Variants in SLX4IP observed in about 807,000 individuals in gnomAD.
SLX4IP encodes the protein SLX4 interacting protein.
SLX4IP carries 34 observed loss-of-function variants against 32.9 expected under a neutral mutation model. The observed-to-expected ratio is 1.03, with a 90% confidence interval of 0.79 to 1.38. The LOEUF (loss-of-function observed/expected upper bound fraction) is 1.38. SLX4IP is among the 40% of genes most tolerant of loss of function. The pLI is 0.00. For missense variants in SLX4IP, 444 were observed against 479.0 expected, an observed-to-expected ratio of 0.93 and a Z score of 0.68; for synonymous variants, 172 against 171.7, an observed-to-expected ratio of 1.00 and a Z score of -0.01.
At chr20:10,608,023 A>G (rs1243711552) in intron 6 of SLX4IP, among the ~76,000 whole-genome samples, 1 of 152,234 alleles carries the variant, frequency 6.6e-6, no homozygotes, top group East Asian at 1.9e-4. Flanking sequence ...ATCATTAGAT[A>G]GGATAAGTTG....
intron 2 of SLX4IP, among the ~76,000 whole-genome samples, chr20:10,500,430 G>T (rs534374671): frequency 6.6e-6 from 1 of 152,068 alleles, no homozygotes; most frequent in South Asian, 2.1e-4. Flanking sequence ...ATGTGTTAAA[G>T]TTCTATGTGT....
At chr20:10,549,865 C>T (rs913798121) in intron 2 of SLX4IP, among the ~76,000 whole-genome samples, 4 of 152,214 alleles carry the variant, frequency 2.6e-5, no homozygotes, top group Non-Finnish European at 5.9e-5. Flanking sequence ...ATATTTTAAA[C>T]TGTGATTGTT....
At chr20:10,570,478 G>T (rs1262926065) in intron 4 of SLX4IP, among the ~76,000 whole-genome samples, 1 of 152,140 alleles carries the variant, frequency 6.6e-6, no homozygotes. Context: ...CATGTACTCT[G>T]GGCATCGTGT....
At chr20:10,452,297 G>A (rs1340346373) in intron 1 of SLX4IP, among the ~76,000 whole-genome samples, 1 of 152,170 alleles carries the variant, frequency 6.6e-6, no homozygotes, top group Admixed American at 6.5e-5. Flanking sequence ...TTGGGAGGCT[G>A]AGGCTGGTGG....
At chr20:10,446,722 G>A (rs1464739893) in intron 1 of SLX4IP, among the ~76,000 whole-genome samples, 1 of 152,120 alleles carries the variant, frequency 6.6e-6, no homozygotes, top group African/African-American at 2.4e-5. Context: ...GGCTAATGAT[G>A]TTGAATATCT....
chr20:10,441,731 G>GTTTTT (rs3064149), intron 1 of SLX4IP, among the ~76,000 whole-genome samples: 1 of 147,612 alleles, frequency 6.8e-6, no homozygotes. Context: ...GTTTGTTTTT[G>GTTTTT]TTTTTTTTTT....
At chr20:10,517,930 C>G (rs184637761) in intron 2 of SLX4IP, among the ~76,000 whole-genome samples, 1 of 152,184 alleles carries the variant, frequency 6.6e-6, no homozygotes, top group East Asian at 1.9e-4. Flanking sequence ...AATTTTATTT[C>G]TCCCAAAAAG....
At chr20:10,609,678 A>C (rs1027320638) in intron 6 of SLX4IP, among the ~76,000 whole-genome samples, 7 of 152,172 alleles carry the variant, frequency 4.6e-5, no homozygotes, top group Admixed American at 2.6e-4. Context: ...ATGCTCAGTC[A>C]GGTGAGATGT....
chr20:10,564,221 A>T (rs934066359), intron 4 of SLX4IP, among the ~76,000 whole-genome samples: 2 of 152,202 alleles, frequency 1.3e-5, no homozygotes, highest in Non-Finnish European at 2.9e-5. Context: ...TGCCAAAAAC[A>T]TCTCTCTATA....
At chr20:10,573,946 A>G (rs1452462460) in intron 4 of SLX4IP, among the ~76,000 whole-genome samples, 1 of 152,236 alleles carries the variant, frequency 6.6e-6, no homozygotes, top group African/African-American at 2.4e-5. Context: ...ATGTGCTGCA[A>G]TTTCAACAAA....
At chr20:10,452,676 A>ATATATATATATATATATATATATATATAT (rs764822188) in intron 1 of SLX4IP, among the ~76,000 whole-genome samples, 1 of 97,970 alleles carries the variant, frequency 1.0e-5, no homozygotes, top group African/African-American at 3.6e-5. Flanking sequence ...AAAAAAAAAA[A>ATATATATATATATATATATATATATATAT]AAAAATATAT....
At position 10,600,812 on chromosome 20, in the gene SLX4IP, A is replaced by G. The variant is rs926646722; in HGVS notation, c.317-919A>G. Among the ~76,000 whole-genome samples the G allele has an allele frequency of 3.3e-5, 5 of 152,210 alleles. No homozygotes were observed. In the East Asian group the frequency reaches 7.7e-4, roughly 23 times the overall value. On this transcript the variant is annotated intron_variant, in intron 5 of 7. Transcript: ENST00000334534. ...AAAAATGACTTAATTTCTATCACAA[A>G]TATCAGACATGTATATCATAAAAAT... is the stretch of plus-strand genomic sequence containing the variant.
chr20:10,464,181 T>G (rs1699038316), intron 2 of SLX4IP, among the ~76,000 whole-genome samples: 1 of 151,976 alleles, frequency 6.6e-6, no homozygotes, highest in South Asian at 2.1e-4. Context: ...GGCCATTTTG[T>G]TTTTTTGTTT....
At chr20:10,615,971 C>A (rs958052214) in intron 6 of SLX4IP, among the ~76,000 whole-genome samples, 1 of 152,130 alleles carries the variant, frequency 6.6e-6, no homozygotes, top group African/African-American at 2.4e-5. Flanking sequence ...CCTCTTAATA[C>A]CATCACATTG....
chr20:10,452,664 CAA>C (rs71332999), intron 1 of SLX4IP, among the ~76,000 whole-genome samples: 31 of 117,926 alleles, frequency 2.6e-4, no homozygotes, highest in East Asian at 8.9e-4. Flanking sequence ...GAAACTGTCT[CAA>C]AAAAAAAAAA....
chr20:10,537,838 T>G (rs1405446111), intron 2 of SLX4IP, among the ~76,000 whole-genome samples: 1 of 152,210 alleles, frequency 6.6e-6, no homozygotes, highest in African/African-American at 2.4e-5. Flanking sequence ...TTGACAAAAG[T>G]AATGAGATAG....
At chr20:10,518,494 C>CT (rs1377091088) in intron 2 of SLX4IP, among the ~76,000 whole-genome samples, 793 of 14,472 alleles carry the variant, frequency 0.055, 42 homozygotes, top group Non-Finnish European at 0.072. Context: ...TTTCCTTTTC[C>CT]TTCCTTCCTT....
chr20:10,506,502 G>C (rs2065761194), intron 2 of SLX4IP, among the ~76,000 whole-genome samples: 2 of 152,180 alleles, frequency 1.3e-5, no homozygotes, highest in South Asian at 4.1e-4. Context: ...CAGGCCTTAT[G>C]TTGTTTGCTC....
chr20:10,452,622 C>T (rs1023561642), intron 1 of SLX4IP, among the ~76,000 whole-genome samples: 20 of 146,788 alleles, frequency 1.4e-4, no homozygotes, highest in Non-Finnish European at 2.2e-4. Context: ...GCTGAGATCA[C>T]GCTATTGCAC....
Sources: gnomAD v4.1 joint callset for allele counts (sites outside exome capture counted in the v4.1 genomes callset) on GRCh38, gnomAD v4.1.1 for gene constraint, MANE v1.5 for transcripts, NCBI Gene and HGNC (gene_info 2026-07-23, HGNC 2026-07-21) for gene names.